AKR1D1: variants seen among roughly 807,000 people sequenced by gnomAD.
AKR1D1 encodes the protein delta(4)-3-ketosteroid 5-beta-reductase.
Under a neutral mutation model 42.6 loss-of-function variants are expected in AKR1D1, and 32 were observed. That is an observed-to-expected ratio of 0.75 (90% CI 0.57 to 1.01). The LOEUF is 1.01. AKR1D1 is among the 50% of genes least tolerant of loss of function. The probability of loss-of-function intolerance (pLI) is 0.00; values close to 1 mark genes in which losing one functional copy is unlikely to be tolerated. For missense variants in AKR1D1, 364 were observed against 402.2 expected (o/e 0.91, Z 0.81); for synonymous variants, 123 against 135.5 (o/e 0.91, Z 0.64).
chr7:138,110,836 A>G (rs1459205519), intron 7 of AKR1D1, among the ~76,000 whole-genome samples: 1 of 152,174 alleles, frequency 6.6e-6, no homozygotes, highest in African/African-American at 2.4e-5. Context: ...CGGAGCCAGG[A>G]TATTTTAAAA....
chr7:138,099,145 A>T (rs1187981758), intron 4 of AKR1D1, among the ~76,000 whole-genome samples: 2 of 152,104 alleles, frequency 1.3e-5, no homozygotes, highest in East Asian at 3.9e-4. Flanking sequence ...GGCGAGGAGG[A>T]ATGATTTATT....
At chr7:138,097,736 G>T (rs1794210031) in intron 3 of AKR1D1, 130 bp from the exon 4 acceptor site, 2 of 813,048 alleles carry the variant, frequency 2.5e-6, no homozygotes, top group South Asian at 1.7e-5. Context: ...AAATACTTTA[G>T]ACTGGGTGAT....
chr7:138,086,922 T>C (rs1214138008), intron 1 of AKR1D1, among the ~76,000 whole-genome samples: 2 of 152,244 alleles, frequency 1.3e-5, no homozygotes. Context: ...AGAAATCTCA[T>C]TGCTGTTTCT....
chr7:138,107,333 A>G, intron 6 of AKR1D1, 82 bp from the exon 7 acceptor site: 1 of 1,457,900 alleles, frequency 6.9e-7, no homozygotes, highest in Non-Finnish European at 9.6e-7. Flanking sequence ...GGTGAATGGG[A>G]AGACAGAGGA....
chr7:138,086,795 T>C (rs1803190335), intron 1 of AKR1D1, among the ~76,000 whole-genome samples: 1 of 152,188 alleles, frequency 6.6e-6, no homozygotes, highest in African/African-American at 2.4e-5. Context: ...ATCAGAACAA[T>C]CACCCTTTGA....
At chr7:138,091,973 ATAG>A (rs1794093001) in intron 3 of AKR1D1, 89 bp downstream of exon 3, 2 of 759,644 alleles carry the variant, frequency 2.6e-6, no homozygotes, top group Non-Finnish European at 4.9e-6. Context: ...CCATGAGCCA[ATAG>A]CTATGTGCAT....
chr7:138,076,460 C>A lies in AKR1D1; in HGVS notation c.-59C>A. ...CTTTGATGGAATAGGCCCTAGGACA[C>A]CTTTCTAAAAAGACTCCCTGTGGTG... is the stretch of plus-strand genomic sequence containing the variant. On this transcript the variant is annotated 5_prime_UTR_variant, in exon 1 of 9. Transcript: ENST00000242375. 1.4e-6 allele frequency: 2 copies of A among 1,419,158 alleles called. No homozygotes were observed. Among genetic ancestry groups the A allele is most frequent in the South Asian group, 1.2e-5 (1 of 86,390 alleles). 87.9% of individuals were successfully genotyped at this position (1,419,158 alleles called of 1,614,324 possible).
At chr7:138,078,722 G>T (rs1199107203) in intron 1 of AKR1D1, among the ~76,000 whole-genome samples, 1 of 152,178 alleles carries the variant, frequency 6.6e-6, no homozygotes, top group African/African-American at 2.4e-5. Flanking sequence ...CTAATTATGG[G>T]GTACAAGCTA....
At chr7:138,082,908 A>G (rs146721257) in intron 1 of AKR1D1, among the ~76,000 whole-genome samples, 2 of 152,334 alleles carry the variant, frequency 1.3e-5, no homozygotes, top group African/African-American at 4.8e-5. Flanking sequence ...CTCATCTGTC[A>G]GTGAACATTT....
intron 2 of AKR1D1, among the ~76,000 whole-genome samples, chr7:138,088,992 C>T (rs757780745): frequency 4.6e-4 from 70 of 152,052 alleles, no homozygotes; most frequent in African/African-American, 1.4e-3. Flanking sequence ...ATCATATTAA[C>T]GAATTATTTA....
Position 138,088,600 on chromosome 7 carries a change from G to T in AKR1D1, c.94-1G>T. The T allele has an allele frequency of 1.2e-6, 2 of 1,614,140 alleles. No homozygotes were observed. Among genetic ancestry groups the T allele is most frequent in the Non-Finnish European group, 1.7e-6 (2 of 1,179,996 alleles). ...CAAACCCAACCTCTTTGTCACTTCA[G>T]ACCCCTAAGGGAGCCTGTGCAACAT... is the stretch of plus-strand genomic sequence containing the variant. On this transcript the variant is annotated splice_acceptor_variant, in intron 1 of 8. Coordinates refer to ENST00000242375, the MANE Select transcript of AKR1D1 (RefSeq NM_005989.4). LOFTEE classifies it high-confidence loss of function.
At chr7:138,105,618 G>A (rs1001271366) in intron 5 of AKR1D1, among the ~76,000 whole-genome samples, 189 bp downstream of exon 5, 3 of 152,154 alleles carry the variant, frequency 2.0e-5, no homozygotes, top group Non-Finnish European at 4.4e-5. Context: ...GGCCTGGTGC[G>A]GTGGCTCACG....
rs1378159545 is a variant in AKR1D1, at chr7:138,097,930, G to C, written c.443G>C (p.Cys148Ser). The C allele has an allele frequency of 1.1e-5, 17 of 1,609,788 alleles. No individual in the cohort carries two copies. Among genetic ancestry groups the C allele is most frequent in the Non-Finnish European group, 1.4e-5 (17 of 1,178,226 alleles). Reference protein sequence around the residue: ...GKWLYHKSNLCATWEAMEACK... With the variant: ...GKWLYHKSNLSATWEAMEACK... ...TGGTTATATCACAAGTCAAATCTGTGTGCCACTTGGGAGGTAAGTTCAAAT... is the reference window on the plus strand; with the variant it reads ...TGGTTATATCACAAGTCAAATCTGTCTGCCACTTGGGAGGTAAGTTCAAAT... The change falls in exon 4 of 9, where the codon TGT becomes TCT. Residue 148 changes from cysteine (C) to serine (S), a missense_variant. Coordinates refer to ENST00000242375, the MANE Select transcript of AKR1D1 (RefSeq NM_005989.4).
Position 138,084,316 on chromosome 7 carries a change from G to T in AKR1D1, c.94-4285G>T, listed in dbSNP as rs150853164. ...CTTGCTCCAACACCCAGGCTGAAGC[G>T]CAGTGGCATGATTACGGCTCCCTGC... is the stretch of plus-strand genomic sequence containing the variant. On this transcript the variant is annotated intron_variant, in intron 1 of 8. Transcript: ENST00000242375. 2.3e-4 allele frequency among the ~76,000 whole-genome samples: 32 copies of T among 137,614 alleles called. 1 individual carries two copies. Among genetic ancestry groups the T allele is most frequent in the African/African-American group, 8.1e-4 (30 of 36,810 alleles). 90.3% of individuals were successfully genotyped at this position (137,614 alleles called of 152,430 possible).
intron 1 of AKR1D1, among the ~76,000 whole-genome samples, chr7:138,086,737 A>G (rs1803189270): frequency 6.6e-6 from 1 of 152,256 alleles, no homozygotes; most frequent in Non-Finnish European, 1.5e-5. Flanking sequence ...GCATTTGGTT[A>G]GAACACTAAA....
chr7:138,102,088 A>G (rs1425608348), intron 4 of AKR1D1, among the ~76,000 whole-genome samples: 1 of 152,064 alleles, frequency 6.6e-6, no homozygotes, highest in East Asian at 1.9e-4. Context: ...GCGCCCATCT[A>G]TAATCCCAGC....
rs757594806 is a variant in AKR1D1, at chr7:138,116,648, C to T, written c.967C>T (p.His323Tyr). 2.5e-6 allele frequency: 4 copies of T among 1,614,162 alleles called. No homozygotes were observed. Among genetic ancestry groups the T allele is most frequent in the Non-Finnish European group, 2.5e-6 (3 of 1,180,036 alleles). ...GCGCGATCATCCTGAATACCCATTTCATGATGAATACTGACTGCAGGGAGT... is the reference window on the plus strand; with the variant it reads ...GCGCGATCATCCTGAATACCCATTTTATGATGAATACTGACTGCAGGGAGT... ...MWRDHPEYPFHDEY is the reference protein window; with the variant it reads ...MWRDHPEYPFYDEY Residue 323 changes from histidine (H) to tyrosine (Y), a missense_variant, in exon 9 of 9, where the codon CAT becomes TAT. By Grantham distance (83) the His-to-Tyr change is moderately conservative. Coordinates refer to ENST00000242375, the MANE Select transcript of AKR1D1 (RefSeq NM_005989.4).
At chr7:138,102,331 G>C (rs1221866889) in intron 4 of AKR1D1, among the ~76,000 whole-genome samples, 4 of 152,260 alleles carry the variant, frequency 2.6e-5, no homozygotes, top group Non-Finnish European at 5.9e-5. Context: ...ACTTTGAGAG[G>C]CTGAGTGGGG....
chr7:138,088,893 T>C, intron 2 of AKR1D1, 125 bp downstream of exon 2: 1 of 1,061,818 alleles, frequency 9.4e-7, no homozygotes, highest in Admixed American at 2.2e-5. Context: ...TTAATAACAG[T>C]TTGGGTTTGT....
Sources: allele counts gnomAD v4.1 joint callset (sites outside exome capture counted in the v4.1 genomes callset), GRCh38; gene constraint gnomAD v4.1.1; transcripts MANE v1.5; gene names NCBI Gene and HGNC (gene_info 2026-07-23, HGNC 2026-07-21).